Variants in FASTKD2 observed in about 807,000 individuals in gnomAD.
FASTKD2 encodes FAST kinase domains 2.
FASTKD2 carries 51 observed loss-of-function variants against 63.6 expected under a neutral mutation model. The observed-to-expected ratio is 0.80, with a 90% CI of 0.64 to 1.01. The LOEUF (loss-of-function observed/expected upper bound fraction) is 1.01. Ranked by LOEUF, FASTKD2 falls within the 50% of genes least tolerant of loss-of-function variation. The pLI is 0.00. For missense variants in FASTKD2, 786 were observed against 831.1 expected, an observed-to-expected ratio of 0.95 and a Z score of 0.67; for synonymous variants, 284 against 293.4, an observed-to-expected ratio of 0.97 and a Z score of 0.33.
Position 206,792,320 on chromosome 2 carries a change from T to C in FASTKD2, c.*518T>C, listed in dbSNP as rs1277115954. The C allele has an allele frequency of 5.9e-6, 1 of 170,024 alleles. No individual in the cohort carries two copies. Among genetic ancestry groups the C allele is most frequent in the Non-Finnish European group, 1.3e-5 (1 of 78,524 alleles). 10.5% of individuals were successfully genotyped at this position (170,024 alleles called of 1,614,324 possible). ...AAAATGAGTGAGGATGGTATTTGTATTTGTAATAAGCACTGCAGGTAGAGA... is the reference window on the plus strand; with the variant it reads ...AAAATGAGTGAGGATGGTATTTGTACTTGTAATAAGCACTGCAGGTAGAGA... On this transcript the variant is annotated 3_prime_UTR_variant, in exon 12 of 12. Coordinates refer to ENST00000402774, the MANE Select transcript of FASTKD2 (RefSeq NM_001136193.2).
At chr2:206,787,344 A>G (rs987951357) in intron 8 of FASTKD2, among the ~76,000 whole-genome samples, 1 of 152,218 alleles carries the variant, frequency 6.6e-6, no homozygotes, top group African/African-American at 2.4e-5. Flanking sequence ...CCAAATAGCC[A>G]CCAAATTAAT....
Position 206,786,904 on chromosome 2 carries a change from G to A in FASTKD2, c.1594+5G>A. 7.1e-7 allele frequency: 1 copy of A among 1,399,840 alleles called. No homozygotes were observed. The highest frequency in any genetic ancestry group is 9.7e-7 in the Non-Finnish European group (1 of 1,033,044). 86.7% of individuals were successfully genotyped at this position (1,399,840 alleles called of 1,614,324 possible). ...TCAGTGAGCTGCTGACATCAGGTAG[G>A]ATGTTAGTGCAGAATTGGTCACCAA... On this transcript the variant is annotated splice_donor_5th_base_variant and intron_variant, in intron 8 of 11. Transcript: ENST00000402774.
At position 206,774,410 on chromosome 2, in the gene FASTKD2, T is replaced by G; in HGVS notation, c.1427+13T>G. The G allele has an allele frequency of 6.4e-7, 1 of 1,552,226 alleles. No homozygotes were observed. On this transcript the variant is annotated intron_variant, in intron 7 of 11. Transcript: ENST00000402774. Reference sequence around the variant, plus strand: ...GCCAGAACAAAGAGTATGTACTTGTTTTTTTTTACCTTTTTTATTGCCATA... The same window carrying G: ...GCCAGAACAAAGAGTATGTACTTGTGTTTTTTTACCTTTTTTATTGCCATA...
chr2:206,790,909 G>A, intron 11 of FASTKD2: 2 of 506,148 alleles, frequency 4.0e-6, no homozygotes, highest in South Asian at 4.2e-5. Flanking sequence ...TACAAATGTT[G>A]TTCTGGTCAG....
chr2:206,765,863 G>A (rs1228907757), intron 1 of FASTKD2, 116 bp downstream of exon 1: 2 of 152,384 alleles, frequency 1.3e-5, no homozygotes, highest in Non-Finnish European at 2.9e-5. Flanking sequence ...TTCCTCTTAA[G>A]CGCAGGCCAC....
At chr2:206,767,978 A>G (rs1689570992) in intron 2 of FASTKD2, among the ~76,000 whole-genome samples, 1 of 152,196 alleles carries the variant, frequency 6.6e-6, no homozygotes, top group African/African-American at 2.4e-5. Flanking sequence ...TGAAGCACAG[A>G]ATGATGGAGT....
rs1396991933 is a variant in FASTKD2, at chr2:206,795,962, G to C, written c.*4160G>C. 6.6e-6 allele frequency among the ~76,000 whole-genome samples: 1 copy of C among 152,126 alleles called. No homozygotes were observed. Among genetic ancestry groups the C allele is most frequent in the Non-Finnish European group, 1.5e-5 (1 of 68,034 alleles). On this transcript the variant is annotated 3_prime_UTR_variant, in exon 12 of 12. Transcript: ENST00000402774. ...AGCCAGTTATGTGATAGTGTTCTGA[G>C]AGTCATTCCTGGAAGTCAGACTAAA...
rs750288075 is a variant in FASTKD2 at position 206,786,728 on chromosome 2, C to A, written c.1428-5C>A. 4.3e-6 allele frequency: 7 copies of A among 1,613,244 alleles called. No individual in the cohort carries two copies. The Admixed American group carries it at 1.2e-4, about 27-fold the overall frequency. ...TTGGGAAACTGACTTTTCTTTGTTC[C>A]CCAGACAGTTCGTGGAAGTTATGGC... On this transcript the variant is annotated splice_region_variant and splice_polypyrimidine_tract_variant and intron_variant, in intron 7 of 11. Transcript: ENST00000402774.
intron 11 of FASTKD2, chr2:206,791,440 T>G (rs1690282968): frequency 2.1e-6 from 1 of 483,962 alleles, no homozygotes; most frequent in South Asian, 2.5e-5. Flanking sequence ...GAAGATTTTC[T>G]CAAGAAAGCA....
At chr2:206,786,038 C>T (rs1023826828) in intron 7 of FASTKD2, among the ~76,000 whole-genome samples, 8 of 152,178 alleles carry the variant, frequency 5.3e-5, no homozygotes, top group African/African-American at 1.9e-4. Context: ...CTTTCCTCTG[C>T]GAGATCACAG....
chr2:206,773,251 G>A lies in FASTKD2; in HGVS notation c.1254+931G>A, dbSNP rs1689736701. 2.1e-5 allele frequency among the ~76,000 whole-genome samples: 3 copies of A among 145,906 alleles called. No individual in the cohort carries two copies. The South Asian group carries it at 6.6e-4, about 32-fold the overall frequency. ...GACCACTTGAACCTGGGAGGTGGAG[G>A]TTGCAGTAAGCTGAGATTGTGCCAC... is the stretch of plus-strand genomic sequence containing the variant. On this transcript the variant is annotated intron_variant, in intron 6 of 11. Coordinates refer to ENST00000402774, the MANE Select transcript of FASTKD2 (RefSeq NM_001136193.2).
At position 206,772,196 on chromosome 2, in the gene FASTKD2, G is replaced by A; in HGVS notation, c.1130G>A (p.Cys377Tyr). The A allele has an allele frequency of 6.2e-7, 1 of 1,612,528 alleles. No individual in the cohort carries two copies. Among genetic ancestry groups the A allele is most frequent in the Non-Finnish European group, 8.5e-7 (1 of 1,178,540 alleles). The stretch of plus-strand genomic sequence containing the variant: ...ATTCTTCAAGATAATATCCATGGGT[G>A]TCCTTTAAGAATAATGATCAACATA... ...SKVVLDNIHG[C>Y]PLRIMINILQ... The change falls in exon 6 of 12, where the codon TGT becomes TAT. Residue 377 changes from cysteine to tyrosine, a missense_variant. Coordinates refer to ENST00000402774, the MANE Select transcript of FASTKD2 (RefSeq NM_001136193.2).
intron 8 of FASTKD2, 78 bp downstream of exon 8, chr2:206,786,977 G>A: frequency 1.1e-6 from 1 of 913,114 alleles, no homozygotes. Flanking sequence ...ACTCTGAATG[G>A]GGTCTTAGTT....
At chr2:206,777,499 T>C (rs544671167) in intron 7 of FASTKD2, among the ~76,000 whole-genome samples, 1 of 151,588 alleles carries the variant, frequency 6.6e-6, no homozygotes, top group Admixed American at 6.5e-5. Flanking sequence ...TACTGAACCG[T>C]CTTTGCATCC....
chr2:206,781,845 T>TGA (rs1689991946), intron 7 of FASTKD2, among the ~76,000 whole-genome samples: 1 of 151,988 alleles, frequency 6.6e-6, no homozygotes. Context: ...CCTACTTAAC[T>TGA]GCTCCTGAGC....
chr2:206,788,748 A>T (rs926251297), intron 9 of FASTKD2, 71 bp from the exon 10 acceptor site: 8 of 771,878 alleles, frequency 1.0e-5, no homozygotes, highest in South Asian at 1.6e-5. Flanking sequence ...AAAAAAAAAA[A>T]GGAAAAGAAA....
At chr2:206,775,865 T>C (rs1689811489) in intron 7 of FASTKD2, among the ~76,000 whole-genome samples, 1 of 151,956 alleles carries the variant, frequency 6.6e-6, no homozygotes, top group Non-Finnish European at 1.5e-5. Flanking sequence ...TTCCAATTTC[T>C]CCACATCTTC....
Position 206,788,804 on chromosome 2 carries a change from A to C in FASTKD2, c.1814-15A>C. 6 of 1,340,074 alleles carry C rather than the reference A, an allele frequency of 4.5e-6. No homozygotes were observed. The highest frequency in any genetic ancestry group is 6.4e-6 in the Non-Finnish European group (6 of 932,078). The allele number at this position is 1,340,074 out of a possible 1,614,324, so 83.0% of individuals were successfully genotyped here. A position where few individuals can be genotyped will look rare whatever the true frequency, so the allele number is the denominator to read the frequency against. On this transcript the variant is annotated splice_polypyrimidine_tract_variant and intron_variant, in intron 9 of 11. Coordinates refer to ENST00000402774, the MANE Select transcript of FASTKD2 (RefSeq NM_001136193.2). ...AGGAATGTTTGAAAAATTAATATCAATTCTTTCCTTTCAGATTTTGAAATC... is the reference window on the plus strand; with the variant it reads ...AGGAATGTTTGAAAAATTAATATCACTTCTTTCCTTTCAGATTTTGAAATC...
chr2:206,768,470 G>A (rs1389984847), intron 2 of FASTKD2, among the ~76,000 whole-genome samples: 3 of 152,202 alleles, frequency 2.0e-5, no homozygotes, highest in Non-Finnish European at 4.4e-5. Context: ...GGAGGCCAAG[G>A]CAGGAGGATC....
Sources: gnomAD v4.1 joint callset for allele counts (sites outside exome capture counted in the v4.1 genomes callset) on GRCh38, gnomAD v4.1.1 for gene constraint, MANE v1.5 for transcripts, NCBI Gene and HGNC (gene_info 2026-07-23, HGNC 2026-07-21) for gene names.